The following ZMIZ1 variants were observed in gnomAD, a reference collection of about 807,000 sequenced individuals.
ZMIZ1 encodes the protein zinc finger MIZ-type containing 1.
In ZMIZ1, 17 loss-of-function variants were observed where a neutral mutation model predicts 113.9. The observed-to-expected ratio is 0.15, with a 90% CI of 0.10 to 0.22. The LOEUF is 0.22. Among genes scored for constraint, ZMIZ1 ranks in the 10% least tolerant of loss-of-function variants. ZMIZ1 has a pLI of 1.00. For synonymous variants in ZMIZ1, 607 were observed against 603.1 expected, an observed-to-expected ratio of 1.01 and a Z score of -0.09; for missense variants, 1,059 against 1,477.8, an observed-to-expected ratio of 0.72 and a Z score of 4.65.
At chr10:79,081,912 C>T (rs960268691) in intron 1 of ZMIZ1, among the ~76,000 whole-genome samples, 17 of 152,236 alleles carry the variant, frequency 1.1e-4, no homozygotes, top group African/African-American at 3.6e-4. Context: ...CAGAAAGGCC[C>T]TGGAGACCAT....
chr10:79,084,961 G>A (rs1271576906), intron 1 of ZMIZ1, among the ~76,000 whole-genome samples: 1 of 152,148 alleles, frequency 6.6e-6, no homozygotes, highest in Non-Finnish European at 1.5e-5. Context: ...AGGCCCCTGG[G>A]TCTCCTTTCT....
chr10:79,253,906 ACT>A (rs1172173102), intron 7 of ZMIZ1, among the ~76,000 whole-genome samples: 3 of 152,000 alleles, frequency 2.0e-5, no homozygotes, highest in East Asian at 3.9e-4. Flanking sequence ...TGACACGCAC[ACT>A]CACACACACA....
At chr10:79,168,748 G>A (rs1846472674) in intron 4 of ZMIZ1, among the ~76,000 whole-genome samples, 1 of 152,200 alleles carries the variant, frequency 6.6e-6, no homozygotes, top group African/African-American at 2.4e-5. Context: ...CTTGACTGAT[G>A]TCTCAGCTCT....
rs1016113710 is a variant in ZMIZ1 at position 79,314,349 on chromosome 10, G to T, written c.*1600G>T. The T allele has an allele frequency of 2.3e-6, 1 of 429,882 alleles. No individual in the cohort carries two copies. 26.6% of individuals were successfully genotyped at this position (429,882 alleles called of 1,614,324 possible). ...GGGGCCCTTTCCTGCTCTCCCGTCC[G>T]CTGTGGGTGGTCCCCAGCTCTCCTC... On this transcript the variant is annotated 3_prime_UTR_variant, in exon 25 of 25. Coordinates refer to ENST00000334512, the MANE Select transcript of ZMIZ1 (RefSeq NM_020338.4).
At chr10:79,100,906 G>A (rs1843344445) in intron 1 of ZMIZ1, among the ~76,000 whole-genome samples, 2 of 152,308 alleles carry the variant, frequency 1.3e-5, no homozygotes, top group South Asian at 2.1e-4. Context: ...CCTGCTAAAC[G>A]TGCAGATGCT....
rs574234916 is a variant in ZMIZ1, at chr10:79,210,031, C to T, written c.174+1582C>T. Among the ~76,000 whole-genome samples, 5 of 152,378 alleles carry T rather than the reference C, an allele frequency of 3.3e-5. No individual in the cohort carries two copies. In the South Asian group the frequency reaches 1.0e-3, roughly 32 times the overall value. Reference sequence around the variant, plus strand: ...CTGCCCAGTCTTCCTCATCCTTCAGCCCATGGGATCCCCTTCTCCCTCCGC... The same window carrying T: ...CTGCCCAGTCTTCCTCATCCTTCAGTCCATGGGATCCCCTTCTCCCTCCGC... On this transcript the variant is annotated intron_variant, in intron 6 of 24. Transcript: ENST00000334512.
At chr10:79,143,610 G>A (rs1446368160) in intron 3 of ZMIZ1, among the ~76,000 whole-genome samples, 1 of 152,196 alleles carries the variant, frequency 6.6e-6, no homozygotes. Flanking sequence ...CTGAGAACTG[G>A]CAGTCCAGAT....
chr10:79,260,722 A>T (rs1851213506), intron 7 of ZMIZ1, among the ~76,000 whole-genome samples: 1 of 152,184 alleles, frequency 6.6e-6, no homozygotes, highest in East Asian at 1.9e-4. Context: ...TGTGATGGGG[A>T]AACTGGGTTT....
chr10:79,134,841 T>A (rs757573025), intron 2 of ZMIZ1, among the ~76,000 whole-genome samples: 2 of 152,212 alleles, frequency 1.3e-5, no homozygotes, highest in African/African-American at 2.4e-5. Context: ...ATAGTTTTTT[T>A]TTTTGAGATG....
chr10:79,293,645 C>G lies in ZMIZ1; in HGVS notation c.1222C>G (p.Pro408Ala). 1 of 1,613,124 alleles carries G rather than the reference C, an allele frequency of 6.2e-7. No individual in the cohort carries two copies. Among genetic ancestry groups the G allele is most frequent in the Non-Finnish European group, 8.5e-7 (1 of 1,180,024 alleles). The change falls in exon 12 of 25, where the codon CCT (proline) becomes GCT (alanine). Residue 408 changes from proline (P) to alanine (A), a missense_variant. By Grantham distance (27) the Pro-to-Ala change is conservative. Transcript: ENST00000334512. Reference protein sequence around the residue: ...LPIQNIKRPYPGEPNYGNQQY... With the variant: ...LPIQNIKRPYAGEPNYGNQQY... ...TATTCAGAACATAAAGAGGCCATAC[C>G]CTGGAGAGGTGAGTGCAGCAGTGGG...
intron 1 of ZMIZ1, among the ~76,000 whole-genome samples, chr10:79,078,653 T>G (rs1337618593): frequency 6.7e-6 from 1 of 149,262 alleles, no homozygotes; most frequent in Non-Finnish European, 1.5e-5. Flanking sequence ...CAGGTGATTT[T>G]CCCACCACAT....
intron 4 of ZMIZ1, among the ~76,000 whole-genome samples, chr10:79,162,484 G>A (rs948940260): frequency 6.6e-6 from 1 of 152,200 alleles, no homozygotes; most frequent in Non-Finnish European, 1.5e-5. Flanking sequence ...ACCAAAGGAG[G>A]CCTGGGTGAG....
intron 3 of ZMIZ1, among the ~76,000 whole-genome samples, chr10:79,150,274 G>C (rs1469896002): frequency 6.6e-6 from 1 of 152,222 alleles, no homozygotes; most frequent in Non-Finnish European, 1.5e-5. Flanking sequence ...ATTCTCTACG[G>C]CTGGCACTTC....
At chr10:79,262,210 C>T (rs1851311792) in intron 7 of ZMIZ1, among the ~76,000 whole-genome samples, 1 of 152,274 alleles carries the variant, frequency 6.6e-6, no homozygotes, top group Admixed American at 6.5e-5. Flanking sequence ...CAGTGGTTCT[C>T]AAAGTGGGGT....
intron 3 of ZMIZ1, among the ~76,000 whole-genome samples, chr10:79,142,144 C>T (rs901035442): frequency 1.3e-5 from 2 of 151,994 alleles, no homozygotes; most frequent in Admixed American, 6.6e-5. Context: ...GGACAATGGC[C>T]GGGGAGGGCT....
chr10:79,234,719 T>A (rs1471229744), intron 7 of ZMIZ1, among the ~76,000 whole-genome samples: 3 of 152,164 alleles, frequency 2.0e-5, no homozygotes. Context: ...CTTGACAAAA[T>A]GATGTGTGTT....
chr10:79,243,261 T>TGCGCCCCCGCCCCCCGC (rs1237202055), intron 7 of ZMIZ1, among the ~76,000 whole-genome samples: 1 of 148,996 alleles, frequency 6.7e-6, no homozygotes, highest in Admixed American at 6.6e-5. Flanking sequence ...GCGCGCCCCG[T>TGCGCCCCCGCCCCCCGC]GCGCCCCCGC....
At chr10:79,103,864 G>T (rs1843458527) in intron 1 of ZMIZ1, among the ~76,000 whole-genome samples, 1 of 152,190 alleles carries the variant, frequency 6.6e-6, no homozygotes, top group African/African-American at 2.4e-5. Flanking sequence ...GGTGCAGAGT[G>T]GTCCACGGCT....
Position 79,299,057 on chromosome 10 carries a change from C to T in ZMIZ1, c.1674C>T (p.His558=). The T allele has an allele frequency of 6.2e-7, 1 of 1,609,556 alleles. No homozygotes were observed. The highest frequency in any genetic ancestry group is 8.5e-7 in the Non-Finnish European group (1 of 1,178,104). Residue 558 remains histidine, a synonymous_variant, in exon 16 of 25, where the codon CAC becomes CAT. Coordinates refer to ENST00000334512, the MANE Select transcript of ZMIZ1 (RefSeq NM_020338.4). ...CTCCTCTCCTCGCCCCAGCCAACCA[C>T]AATGACGAGCTGCGGCTCACATTCC... ...MSALPPPPAN[H]NDELRLTFPV...
Sources: gnomAD v4.1 joint callset for allele counts (sites outside exome capture counted in the v4.1 genomes callset) on GRCh38, gnomAD v4.1.1 for gene constraint, MANE v1.5 for transcripts, NCBI Gene and HGNC (gene_info 2026-07-23, HGNC 2026-07-21) for gene names.